The following CA10 variants were observed in gnomAD, a reference collection of about 807,000 sequenced individuals.
The protein encoded by CA10 is carbonic anhydrase-related protein 10.
A neutral mutation model predicts 44.2 loss-of-function variants in CA10; 14 were observed. The observed-to-expected ratio is 0.32, with a 90% CI of 0.21 to 0.50. The LOEUF (loss-of-function observed/expected upper bound fraction) is 0.50. CA10 is among the 20% of genes least tolerant of loss of function. The probability of loss-of-function intolerance (pLI) is 0.99; values close to 1 mark genes in which losing one functional copy is unlikely to be tolerated. For missense variants in CA10, 350 were observed against 409.7 expected, an observed-to-expected ratio of 0.85 and a Z score of 1.26; for synonymous variants, 159 against 141.6, an observed-to-expected ratio of 1.12 and a Z score of -0.87.
At chr17:52,072,544 T>C (rs1987708038) in intron 1 of CA10, 151 bp from the exon 2 acceptor site, 1 of 552,390 alleles carries the variant, frequency 1.8e-6, no homozygotes, top group Non-Finnish European at 3.2e-6. Context: ...CTTCCCTTTT[T>C]TTTTTCAAAT....
At chr17:51,668,657 G>A (rs571405185) in intron 4 of CA10, among the ~76,000 whole-genome samples, 1 of 152,312 alleles carries the variant, frequency 6.6e-6, no homozygotes, top group East Asian at 1.9e-4. Context: ...CTCGGCCTCT[G>A]CATCCACTCT....
intron 3 of CA10, among the ~76,000 whole-genome samples, chr17:51,797,470 G>C (rs1297599776): frequency 6.6e-6 from 1 of 152,026 alleles, no homozygotes; most frequent in East Asian, 1.9e-4. Flanking sequence ...GACCATCTTG[G>C]GGGCATTTAG....
intron 1 of CA10, among the ~76,000 whole-genome samples, chr17:52,094,292 A>T (rs976556955): frequency 7.4e-5 from 11 of 147,672 alleles, no homozygotes; most frequent in Non-Finnish European, 1.6e-4. Flanking sequence ...GTATAATTTA[A>T]AAAAAACCTA....
rs192252751 is a variant in CA10 at position 51,805,263 on chromosome 17, T to C, written c.280-57445A>G. ...ATCTTCCACTATTCTATTCATTAAC[T>C]TAATAAACATATTATGCAGCTACTG... On this transcript the variant is annotated intron_variant, in intron 3 of 8. Coordinates refer to ENST00000451037, the MANE Select transcript of CA10 (RefSeq NM_020178.5). Among the ~76,000 whole-genome samples, 28 of 152,362 alleles carry C rather than the reference T, an allele frequency of 1.8e-4. 1 individual carries two copies. In the East Asian group the frequency reaches 5.4e-3, roughly 29 times the overall value.
chr17:51,673,586 A>G (rs1216840374), intron 4 of CA10, among the ~76,000 whole-genome samples: 1 of 152,130 alleles, frequency 6.6e-6, no homozygotes, highest in Non-Finnish European at 1.5e-5. Flanking sequence ...TCTTGCAACT[A>G]TTGCTGTCCT....
intron 3 of CA10, among the ~76,000 whole-genome samples, chr17:51,860,192 A>C (rs1028287789): frequency 1.3e-5 from 2 of 152,022 alleles, no homozygotes; most frequent in Non-Finnish European, 2.9e-5. Context: ...TGGACTTAGC[A>C]CTCATGAAGC....
chr17:51,802,732 T>C (rs1300321216), intron 3 of CA10, among the ~76,000 whole-genome samples: 1 of 152,138 alleles, frequency 6.6e-6, no homozygotes. Flanking sequence ...CCACTTCATG[T>C]GCAGATGACA....
At chr17:52,060,969 G>A (rs936144114) in intron 2 of CA10, among the ~76,000 whole-genome samples, 1 of 152,148 alleles carries the variant, frequency 6.6e-6, no homozygotes, top group African/African-American at 2.4e-5. Context: ...AGTAACATGA[G>A]TAAACCAGTA....
chr17:52,093,084 A>G (rs1198418566), intron 1 of CA10, among the ~76,000 whole-genome samples: 1 of 152,180 alleles, frequency 6.6e-6, no homozygotes, highest in Middle Eastern at 3.2e-3. Flanking sequence ...GTCAGTTTCC[A>G]AGAATCTACT....
intron 1 of CA10, among the ~76,000 whole-genome samples, chr17:52,076,033 T>C (rs1987808883): frequency 6.6e-6 from 1 of 152,130 alleles, no homozygotes; most frequent in Non-Finnish European, 1.5e-5. Context: ...TACATGCATG[T>C]TGTCAAGACG....
At chr17:52,133,661 C>A (rs935252299) in intron 1 of CA10, among the ~76,000 whole-genome samples, 1 of 152,200 alleles carries the variant, frequency 6.6e-6, no homozygotes, top group Non-Finnish European at 1.5e-5. Flanking sequence ...AAGTTCACCT[C>A]CTTTAGACAA....
At chr17:51,929,639 C>T (rs1166018544) in intron 3 of CA10, among the ~76,000 whole-genome samples, 2 of 152,192 alleles carry the variant, frequency 1.3e-5, no homozygotes, top group East Asian at 3.9e-4. Context: ...TTAATCATAA[C>T]TACAACTTTT....
intron 1 of CA10, among the ~76,000 whole-genome samples, chr17:52,154,493 T>A (rs1989764315): frequency 6.6e-6 from 1 of 152,214 alleles, no homozygotes; most frequent in Non-Finnish European, 1.5e-5. Context: ...GCAGCTCTCG[T>A]TTGACCAAGA....
rs140855914 is a variant in CA10, at chr17:51,750,920, A to T, written c.280-3102T>A. ...TGAATCAAGGCACTGACTACATTTT[A>T]TGCTTGTGTGAATTTTCCCAGTACT... On this transcript the variant is annotated intron_variant, in intron 3 of 8. Transcript: ENST00000451037. Among the ~76,000 whole-genome samples, 408 of 152,328 alleles carry T rather than the reference A, an allele frequency of 2.7e-3. 2 individuals carry two copies. The highest frequency in any genetic ancestry group is 9.2e-3 in the African/African-American group (382 of 41,574).
chr17:51,695,483 G>T (rs557319891), intron 4 of CA10, among the ~76,000 whole-genome samples: 1 of 152,050 alleles, frequency 6.6e-6, no homozygotes, highest in African/African-American at 2.4e-5. Flanking sequence ...GAATGTTATC[G>T]GTGTATAGAA....
intron 3 of CA10, among the ~76,000 whole-genome samples, chr17:51,889,933 A>G (rs1390310444): frequency 6.6e-6 from 1 of 152,188 alleles, no homozygotes; most frequent in African/African-American, 2.4e-5. Context: ...CCTAGACAGA[A>G]AAAGAGTTGG....
chr17:51,668,082 C>T (rs566854763), intron 4 of CA10, among the ~76,000 whole-genome samples: 33 of 152,340 alleles, frequency 2.2e-4, no homozygotes, highest in South Asian at 8.3e-4. Context: ...CCATGGCTCC[C>T]TCTGGGGCCT....
Position 52,098,461 on chromosome 17 carries a change from A to G in CA10, c.62-26068T>C, listed in dbSNP as rs149384439. On this transcript the variant is annotated intron_variant, in intron 1 of 8. Transcript: ENST00000451037. ...CAGCTTAAAATGTAGTTGAACCAAC[A>G]CCAACATAATTCTGACCCAACAATA... Among the ~76,000 whole-genome samples the G allele has an allele frequency of 3.6e-3, 552 of 152,316 alleles. 4 individuals carry two copies. The highest frequency in any genetic ancestry group is 0.029 in the South Asian group (138 of 4,818).
chr17:51,729,063 C>G (rs1161795543), intron 4 of CA10, among the ~76,000 whole-genome samples: 1 of 152,068 alleles, frequency 6.6e-6, no homozygotes, highest in Admixed American at 6.5e-5. Context: ...CCATGCCTCT[C>G]CCCTTTTCAA....
Sources: allele counts gnomAD v4.1 joint callset (sites outside exome capture counted in the v4.1 genomes callset), GRCh38; gene constraint gnomAD v4.1.1; transcripts MANE v1.5; gene names NCBI Gene and HGNC (gene_info 2026-07-23, HGNC 2026-07-21).